The following MYOCD variants were observed in gnomAD, a reference collection of about 807,000 sequenced individuals.
MYOCD encodes the protein myocardin.
MYOCD carries 32 observed loss-of-function variants against 96.1 expected under a neutral mutation model. The observed-to-expected ratio is 0.33, with a 90% CI of 0.25 to 0.45. The LOEUF is 0.45. MYOCD is among the 20% of genes least tolerant of loss of function. MYOCD has a pLI of 1.00. For missense variants in MYOCD, 1,133 were observed against 1,200.6 expected, an observed-to-expected ratio of 0.94 and a Z score of 0.83; for synonymous variants, 469 against 469.0, an observed-to-expected ratio of 1.00 and a Z score of 0.00.
At chr17:12,681,591 C>T (rs1198532410) in intron 1 of MYOCD, among the ~76,000 whole-genome samples, 1 of 152,176 alleles carries the variant, frequency 6.6e-6, no homozygotes, top group Admixed American at 6.5e-5. Flanking sequence ...GGTTTTGACT[C>T]GCCAAATGCC....
intron 12 of MYOCD, chr17:12,760,422 A>G: frequency 2.0e-6 from 1 of 497,644 alleles, no homozygotes; most frequent in Middle Eastern, 5.6e-4. Context: ...TTCTGAAGAC[A>G]GATGGTGGTG....
At chr17:12,698,729 CTTTTTTTTTTTTTTT>C (rs55758881) in intron 1 of MYOCD, among the ~76,000 whole-genome samples, 2 of 64,082 alleles carry the variant, frequency 3.1e-5, no homozygotes, top group Admixed American at 2.6e-4. Context: ...ACCAGACCCT[CTTTTTTTTTTTTTTT>C]TTTTTTTTTT....
chr17:12,748,193 A>T (rs1035100350), intron 9 of MYOCD, among the ~76,000 whole-genome samples: 17 of 150,902 alleles, frequency 1.1e-4, no homozygotes, highest in Non-Finnish European at 2.4e-4. Flanking sequence ...AAAACAAAAA[A>T]ACTGGAGAGA....
chr17:12,721,557 A>C (rs1169660764), intron 4 of MYOCD, among the ~76,000 whole-genome samples: 1 of 152,194 alleles, frequency 6.6e-6, no homozygotes, highest in African/African-American at 2.4e-5. Context: ...AGGTGAATGC[A>C]GCAAGACATA....
intron 1 of MYOCD, among the ~76,000 whole-genome samples, chr17:12,670,611 A>G (rs74740869): frequency 0.024 from 3,590 of 152,276 alleles, 160 homozygotes; most frequent in African/African-American, 0.081. Flanking sequence ...TTAACCTACA[A>G]GAGTACCTTT....
intron 1 of MYOCD, among the ~76,000 whole-genome samples, chr17:12,698,403 A>G (rs2030882851): frequency 1.3e-5 from 2 of 152,186 alleles, no homozygotes; most frequent in Admixed American, 1.3e-4. Context: ...CTTGAAGACC[A>G]AGTTCTTGAG....
At chr17:12,672,810 G>C (rs1036818474) in intron 1 of MYOCD, among the ~76,000 whole-genome samples, 2 of 152,154 alleles carry the variant, frequency 1.3e-5, no homozygotes, top group African/African-American at 4.8e-5. Context: ...TATGTATTGG[G>C]TTCTCCTAGC....
intron 1 of MYOCD, among the ~76,000 whole-genome samples, chr17:12,687,126 G>A (rs1024025458): frequency 1.5e-4 from 23 of 152,104 alleles, no homozygotes; most frequent in African/African-American, 4.8e-4. Context: ...TTAACATTTT[G>A]TGAGAGGTTT....
chr17:12,743,974 T>C (rs1210619693), intron 7 of MYOCD, among the ~76,000 whole-genome samples: 1 of 152,150 alleles, frequency 6.6e-6, no homozygotes, highest in African/African-American at 2.4e-5. Flanking sequence ...GTCTAAGGAG[T>C]GTCCTTCCAG....
chr17:12,752,441 A>T lies in MYOCD; in HGVS notation c.1153A>T (p.Ile385Phe). ...CTCTGAATTAAGACAACAGCTTCGA[A>T]TTCGGGGCTTGCCTGTGTCAGGCAC... ...KVSELRQQLRIRGLPVSGTKT... is the reference protein window; with the variant it reads ...KVSELRQQLRFRGLPVSGTKT... The change falls in exon 10 of 14, where the codon ATT becomes TTT. Residue 385 changes from isoleucine (I) to phenylalanine (F), a missense_variant. Ile to Phe is a conservative substitution (Grantham distance 21). Transcript: ENST00000425538. The T allele has an allele frequency of 6.2e-7, 1 of 1,613,018 alleles. No homozygotes were observed. Among genetic ancestry groups the T allele is most frequent in the Non-Finnish European group, 8.5e-7 (1 of 1,179,500 alleles).
At chr17:12,730,832 A>G (rs139983125) in intron 5 of MYOCD, among the ~76,000 whole-genome samples, 2 of 152,288 alleles carry the variant, frequency 1.3e-5, no homozygotes, top group East Asian at 1.9e-4. Context: ...GCGCATTTTC[A>G]TATTCTACTT....
intron 1 of MYOCD, among the ~76,000 whole-genome samples, chr17:12,680,913 C>T (rs910537451): frequency 6.6e-6 from 1 of 152,128 alleles, no homozygotes; most frequent in African/African-American, 2.4e-5. Context: ...TCCCTACACC[C>T]CAATAGAGCA....
intron 1 of MYOCD, among the ~76,000 whole-genome samples, chr17:12,688,221 A>G (rs1230759512): frequency 1.3e-5 from 2 of 152,188 alleles, no homozygotes; most frequent in Admixed American, 1.3e-4. Context: ...TCTGGGTTTC[A>G]GCTGATCCCC....
chr17:12,762,156 G>C (rs35408395), intron 13 of MYOCD: 1 of 152,178 alleles, frequency 6.6e-6, no homozygotes, highest in African/African-American at 2.4e-5. Flanking sequence ...TTTTTCTCTT[G>C]CAATGTTCTG....
intron 1 of MYOCD, among the ~76,000 whole-genome samples, chr17:12,698,768 A>C (rs1356960286): frequency 1.0e-5 from 1 of 99,930 alleles, no homozygotes; most frequent in African/African-American, 4.0e-5. Flanking sequence ...TGTGAGACAG[A>C]GTCTGGCTCT....
rs73286379 is a variant in MYOCD, at chr17:12,744,671, T to G, written c.971+235T>G. Among the ~76,000 whole-genome samples, 910 of 152,190 alleles carry G rather than the reference T, an allele frequency of 6.0e-3. 17 individuals are homozygous for G. Among genetic ancestry groups the G allele is most frequent in the East Asian group, 0.031 (163 of 5,180 alleles). On this transcript the variant is annotated intron_variant, in intron 8 of 13. Coordinates refer to ENST00000425538, the MANE Select transcript of MYOCD (RefSeq NM_001146312.3). ...TCTGCAGATGTATTCCAAACCCTCA[T>G]TGGATCCCTGAAACCTCAGAGAGTA...
chr17:12,742,877 A>G, intron 7 of MYOCD, among the ~76,000 whole-genome samples: 1 of 151,996 alleles, frequency 6.6e-6, no homozygotes, highest in Non-Finnish European at 1.5e-5. Flanking sequence ...CGGCCTGAAA[A>G]TTACTTTTTT....
At chr17:12,696,385 T>C (rs1457274794) in intron 1 of MYOCD, among the ~76,000 whole-genome samples, 1 of 152,232 alleles carries the variant, frequency 6.6e-6, no homozygotes, top group Non-Finnish European at 1.5e-5. Flanking sequence ...AGGGTAGATG[T>C]ACAAGTATCT....
chr17:12,747,034 AATT>A (rs2032685489), intron 9 of MYOCD, among the ~76,000 whole-genome samples: 1 of 11,680 alleles, frequency 8.6e-5, no homozygotes, highest in Non-Finnish European at 6.0e-4. Context: ...AGCCCCTACC[AATT>A]TTTTTTTTTT....
Sources: allele counts gnomAD v4.1 joint callset (sites outside exome capture counted in the v4.1 genomes callset), GRCh38; gene constraint gnomAD v4.1.1; transcripts MANE v1.5; gene names NCBI Gene and HGNC (gene_info 2026-07-23, HGNC 2026-07-21).